The following HDAC4 variants were observed in gnomAD, a reference collection of about 807,000 sequenced individuals.
HDAC4 encodes histone deacetylase 4.
In HDAC4, 16 loss-of-function variants were observed where a neutral mutation model predicts 135.1. That is an observed-to-expected ratio of 0.12 (90% confidence interval 0.08 to 0.18). The LOEUF is 0.18. Ranked by LOEUF, HDAC4 falls within the 10% of genes least tolerant of loss-of-function variation. HDAC4 has a pLI of 1.00. For synonymous variants in HDAC4, 685 were observed against 653.4 expected (o/e 1.05, Z -0.74); for missense variants, 1,143 against 1,511.8 (o/e 0.76, Z 4.05).
chr2:239,300,124 G>A, intron 2 of HDAC4, among the ~76,000 whole-genome samples: 1 of 152,144 alleles, frequency 6.6e-6, no homozygotes, highest in East Asian at 1.9e-4. Flanking sequence ...TTGGGAAGGA[G>A]CATAAATTCA....
chr2:239,255,265 A>G (rs1388397468), intron 2 of HDAC4, among the ~76,000 whole-genome samples: 2 of 151,730 alleles, frequency 1.3e-5, no homozygotes, highest in Non-Finnish European at 2.9e-5. Context: ...TCATACAGAT[A>G]CCGAGACTAT....
chr2:239,236,365 AAC>A (rs1170740523), intron 3 of HDAC4, among the ~76,000 whole-genome samples: 1 of 152,176 alleles, frequency 6.6e-6, no homozygotes, highest in African/African-American at 2.4e-5. Context: ...AGAGAAAAAA[AAC>A]AACAAAAAAT....
At chr2:239,371,717 GC>G (rs1346105464) in intron 1 of HDAC4, among the ~76,000 whole-genome samples, 1 of 152,190 alleles carries the variant, frequency 6.6e-6, no homozygotes, top group Non-Finnish European at 1.5e-5. Flanking sequence ...CTCAGGCATG[GC>G]CGCACAAGCA....
chr2:239,295,682 T>C (rs936391232), intron 2 of HDAC4, among the ~76,000 whole-genome samples: 1 of 152,232 alleles, frequency 6.6e-6, no homozygotes, highest in African/African-American at 2.4e-5. Context: ...CATTCTGTTT[T>C]GTGTCTCGTT....
chr2:239,130,266 C>T (rs1306711649), intron 11 of HDAC4, among the ~76,000 whole-genome samples: 3 of 152,150 alleles, frequency 2.0e-5, no homozygotes, highest in East Asian at 1.9e-4. Flanking sequence ...ACCACAGCCT[C>T]GCGTGCCAAT....
chr2:239,336,128 A>G (rs894295228), intron 2 of HDAC4, among the ~76,000 whole-genome samples: 2 of 152,276 alleles, frequency 1.3e-5, no homozygotes, highest in Non-Finnish European at 2.9e-5. Flanking sequence ...GACAATAAGA[A>G]TAAGTATTAC....
At position 239,291,904 on chromosome 2, in the gene HDAC4, G is replaced by T. The variant is rs114926264; in HGVS notation, c.23-55240C>A. Among the ~76,000 whole-genome samples the T allele has an allele frequency of 1.4e-3, 220 of 152,350 alleles. 1 individual carries two copies. The highest frequency in any genetic ancestry group is 2.4e-3 in the Non-Finnish European group (166 of 68,024). ...TTGCATGAAAATAGAACCTTTGTTT[G>T]CAAGAGTTCCCGCTCCAGTGGATCC... On this transcript the variant is annotated intron_variant, in intron 2 of 26. Transcript: ENST00000543185.
intron 4 of HDAC4, among the ~76,000 whole-genome samples, chr2:239,181,518 G>A (rs963282323): frequency 6.6e-6 from 1 of 152,262 alleles, no homozygotes; most frequent in Non-Finnish European, 1.5e-5. Flanking sequence ...CTTTCCCATG[G>A]CAAAAACTTA....
At chr2:239,054,667 G>A (rs555451960) in intron 25 of HDAC4, 82 bp downstream of exon 25, 2 of 885,230 alleles carry the variant, frequency 2.3e-6, no homozygotes, top group South Asian at 1.3e-5. Context: ...AGAGCTGGGG[G>A]TATAGGGGGA....
At chr2:239,191,818 T>A (rs1431708327) in intron 3 of HDAC4, among the ~76,000 whole-genome samples, 4 of 152,176 alleles carry the variant, frequency 2.6e-5, no homozygotes, top group Non-Finnish European at 5.9e-5. Context: ...TGCCCAGGCC[T>A]CAGGCCACGA....
chr2:239,333,317 C>A (rs1691711862), intron 2 of HDAC4, among the ~76,000 whole-genome samples: 1 of 152,066 alleles, frequency 6.6e-6, no homozygotes, highest in Non-Finnish European at 1.5e-5. Context: ...GCAATAGAGA[C>A]CATATGTGGT....
chr2:239,282,808 A>C (rs184313729), intron 2 of HDAC4, among the ~76,000 whole-genome samples: 26 of 149,110 alleles, frequency 1.7e-4, no homozygotes, highest in South Asian at 2.1e-4. Context: ...TGTACACACC[A>C]CTCTACACAC....
chr2:239,343,759 G>C (rs1357531973), intron 2 of HDAC4, among the ~76,000 whole-genome samples: 2 of 152,238 alleles, frequency 1.3e-5, no homozygotes, highest in South Asian at 2.1e-4. Context: ...CAGGTGCCCA[G>C]TGTTCTGCCG....
intron 2 of HDAC4, among the ~76,000 whole-genome samples, chr2:239,321,542 G>A (rs1447245410): frequency 2.0e-5 from 3 of 150,268 alleles, no homozygotes; most frequent in Non-Finnish European, 2.9e-5. Context: ...TAAGGTGAAC[G>A]TGTGTAAATG....
intron 2 of HDAC4, among the ~76,000 whole-genome samples, chr2:239,350,291 CTATA>C (rs1248694089): frequency 6.6e-6 from 1 of 151,490 alleles, no homozygotes; most frequent in Non-Finnish European, 1.5e-5. Context: ...AAACACTGAA[CTATA>C]TAAAGCAAAA....
intron 5 of HDAC4, among the ~76,000 whole-genome samples, chr2:239,172,286 G>GAA (rs1352369078): frequency 2.2e-3 from 199 of 89,144 alleles, no homozygotes; most frequent in Admixed American, 5.8e-3. Context: ...CCAAGCTGGT[G>GAA]AAAAAAAATA....
intron 4 of HDAC4, chr2:239,186,894 A>C (rs1375560253): frequency 6.6e-6 from 1 of 152,278 alleles, no homozygotes; most frequent in Non-Finnish European, 1.5e-5. Context: ...GCTTAGGCTT[A>C]CTTCTCAGCT....
At chr2:239,296,594 T>A (rs535627644) in intron 2 of HDAC4, among the ~76,000 whole-genome samples, 1 of 152,342 alleles carries the variant, frequency 6.6e-6, no homozygotes, top group African/African-American at 2.4e-5. Flanking sequence ...CTGTTTTCTT[T>A]TTTAGGACTT....
At chr2:239,288,810 T>C (rs960363943) in intron 2 of HDAC4, among the ~76,000 whole-genome samples, 2 of 152,098 alleles carry the variant, frequency 1.3e-5, no homozygotes, top group Non-Finnish European at 2.9e-5. Context: ...GAAGACCTGA[T>C]GGAGGGAAAG....
Sources: allele counts gnomAD v4.1 joint callset (sites outside exome capture counted in the v4.1 genomes callset), GRCh38; gene constraint gnomAD v4.1.1; transcripts MANE v1.5; gene names NCBI Gene and HGNC (gene_info 2026-07-23, HGNC 2026-07-21).